The following BICDL1 variants were observed in gnomAD, a reference collection of about 807,000 sequenced individuals.
BICDL1 encodes BICD family-like cargo adapter 1.
In BICDL1, 20 loss-of-function variants were observed where a neutral mutation model predicts 76.8. The observed-to-expected ratio is 0.26, with a 90% CI of 0.18 to 0.38. The LOEUF is 0.38. Ranked by LOEUF, BICDL1 falls within the 10% of genes least tolerant of loss-of-function variation. The probability of loss-of-function intolerance (pLI) is 1.00; values close to 1 mark genes in which losing one functional copy is unlikely to be tolerated. For missense variants in BICDL1, 700 were observed against 798.6 expected (o/e 0.88, Z 1.49); for synonymous variants, 383 against 337.1 (o/e 1.14, Z -1.49).
chr12:120,027,949 C>T (rs1382788437), intron 2 of BICDL1, among the ~76,000 whole-genome samples: 2 of 152,156 alleles, frequency 1.3e-5, no homozygotes, highest in Non-Finnish European at 2.9e-5. Context: ...CAACGTTGAT[C>T]GTTGTGTTCC....
At position 120,071,613 on chromosome 12, in the gene BICDL1, C is replaced by A. The variant is rs780354531; in HGVS notation, c.910-9C>A. 4.4e-6 allele frequency: 7 copies of A among 1,599,040 alleles called. No homozygotes were observed. The highest frequency in any genetic ancestry group is 6.0e-6 in the Non-Finnish European group (7 of 1,172,852). On this transcript the variant is annotated splice_polypyrimidine_tract_variant and intron_variant, in intron 4 of 9. Coordinates refer to ENST00000548673, the MANE Select transcript of BICDL1 (RefSeq NM_001367886.1). The surrounding 1 kb of genome is among the most constrained non-coding windows in gnomAD (Gnocchi z 4.8). ...GGTAAACCTCAACCATTTGCTCTTT[C>A]TTTGAAAGCTGCACCAAAGCCAGCT...
intron 2 of BICDL1, among the ~76,000 whole-genome samples, chr12:120,016,876 A>G (rs1952074354): frequency 6.6e-6 from 1 of 151,854 alleles, no homozygotes; most frequent in African/African-American, 2.4e-5. Flanking sequence ...TCACATGGTA[A>G]TAGATTTATT....
At chr12:120,004,445 C>G (rs1286028479) in intron 2 of BICDL1, among the ~76,000 whole-genome samples, 1 of 152,162 alleles carries the variant, frequency 6.6e-6, no homozygotes, top group African/African-American at 2.4e-5. Flanking sequence ...ACTATAGAAT[C>G]ACTGAGATAG....
chr12:120,025,293 G>A (rs945342759), intron 2 of BICDL1, among the ~76,000 whole-genome samples: 15 of 151,348 alleles, frequency 9.9e-5, no homozygotes, highest in East Asian at 7.8e-4. Flanking sequence ...CTCGTGATCC[G>A]CCCTCCTTGG....
At position 120,002,775 on chromosome 12, in the gene BICDL1, C is replaced by G. The variant is rs1426388024; in HGVS notation, c.645+4039C>G. The stretch of plus-strand genomic sequence containing the variant: ...GAAGATGTATAAATAAATGAACAAT[C>G]CACAAGATACAGATTGCAGTAGGTA... On this transcript the variant is annotated intron_variant, in intron 2 of 9. Transcript: ENST00000548673. Among the ~76,000 whole-genome samples the G allele has an allele frequency of 2.0e-5, 3 of 152,132 alleles. 1 individual carries two copies. Among genetic ancestry groups the G allele is most frequent in the African/African-American group, 7.2e-5 (3 of 41,440 alleles).
chr12:120,018,436 C>G (rs370682824), intron 2 of BICDL1, among the ~76,000 whole-genome samples: 1 of 152,162 alleles, frequency 6.6e-6, no homozygotes, highest in Admixed American at 6.5e-5. Context: ...TCAGGTAAGC[C>G]TTTCTTCCAC....
chr12:120,012,715 TCAAA>T (rs1951978191), intron 2 of BICDL1, among the ~76,000 whole-genome samples: 1 of 152,198 alleles, frequency 6.6e-6, no homozygotes, highest in Non-Finnish European at 1.5e-5. Flanking sequence ...GCTGAATCCC[TCAAA>T]CAGTCCACCA....
intron 2 of BICDL1, among the ~76,000 whole-genome samples, chr12:120,027,490 G>C (rs1952331303): frequency 6.6e-6 from 1 of 152,116 alleles, no homozygotes; most frequent in Non-Finnish European, 1.5e-5. Context: ...CTTTTCTACA[G>C]GTAGGGAAAT....
At chr12:120,003,155 CT>C (rs1295822624) in intron 2 of BICDL1, among the ~76,000 whole-genome samples, 1 of 68,690 alleles carries the variant, frequency 1.5e-5, no homozygotes, top group African/African-American at 5.4e-5. Context: ...AAGACCCCAT[CT>C]TTAAAAAAAA....
intron 2 of BICDL1, among the ~76,000 whole-genome samples, chr12:120,012,531 G>C (rs1266655549): frequency 6.6e-6 from 1 of 152,192 alleles, no homozygotes; most frequent in Admixed American, 6.5e-5. Flanking sequence ...ATGGATACCA[G>C]TTATACCTCC....
chr12:120,027,860 G>C (rs1952340580), intron 2 of BICDL1, among the ~76,000 whole-genome samples: 1 of 152,126 alleles, frequency 6.6e-6, no homozygotes, highest in Non-Finnish European at 1.5e-5. Flanking sequence ...CTAATTAACA[G>C]ATCTGTTTAC....
intron 7 of BICDL1, among the ~76,000 whole-genome samples, chr12:120,076,657 C>T (rs1408500430): frequency 1.3e-5 from 2 of 152,176 alleles, no homozygotes. Context: ...AGGTTGTACT[C>T]ATGTCCCACG....
intron 8 of BICDL1, among the ~76,000 whole-genome samples, chr12:120,085,256 G>A (rs140054034): frequency 0.011 from 1,643 of 152,180 alleles, 22 homozygotes; most frequent in Non-Finnish European, 0.019. Flanking sequence ...GACCAACCTG[G>A]CCAACATGGT....
intron 2 of BICDL1, among the ~76,000 whole-genome samples, chr12:120,024,823 TTTGTTGTTGTTG>T (rs142436978): frequency 1.9e-4 from 28 of 150,720 alleles, no homozygotes; most frequent in African/African-American, 6.1e-4. Context: ...CACCTGGCAT[TTTGTTGTTGTTG>T]TTGTTGTTGT....
chr12:120,091,417 A>C, intron 9 of BICDL1: 1 of 1,008,840 alleles, frequency 9.9e-7, no homozygotes, highest in Admixed American at 5.3e-5. Flanking sequence ...TTTTTGAAAG[A>C]CCCTTTAGCA....
chr12:120,078,216 C>T (rs995601022), intron 7 of BICDL1, among the ~76,000 whole-genome samples: 1 of 152,202 alleles, frequency 6.6e-6, no homozygotes, highest in Non-Finnish European at 1.5e-5. Flanking sequence ...GTCACAGTTA[C>T]CCTGCTCACA....
chr12:119,991,615 C>T (rs966200442), intron 1 of BICDL1, among the ~76,000 whole-genome samples: 4 of 148,644 alleles, frequency 2.7e-5, no homozygotes, highest in Admixed American at 6.7e-5. Context: ...AAAAGCCTTC[C>T]TTTTTTTTTT....
In BICDL1 at chr12:120,093,553, A is replaced by G; in HGVS notation, c.*392A>G. Reference sequence around the variant, plus strand: ...AGCAAATGGGGAACAGAAGGAATGGAGGCCCTTCTCTGCATGCCTCAGGAG... The same window carrying G: ...AGCAAATGGGGAACAGAAGGAATGGGGGCCCTTCTCTGCATGCCTCAGGAG... On this transcript the variant is annotated 3_prime_UTR_variant, in exon 10 of 10. Coordinates refer to ENST00000548673, the MANE Select transcript of BICDL1 (RefSeq NM_001367886.1). The G allele has an allele frequency of 4.5e-6, 1 of 219,824 alleles. No individual in the cohort carries two copies. Among genetic ancestry groups the G allele is most frequent in the Non-Finnish European group, 9.4e-6 (1 of 106,570 alleles). 13.6% of individuals were successfully genotyped at this position (219,824 alleles called of 1,614,324 possible).
rs189665148 is a variant in BICDL1, at chr12:120,028,536, C to T, written c.645+29800C>T. 1.5e-4 allele frequency among the ~76,000 whole-genome samples: 23 copies of T among 152,128 alleles called. No individual in the cohort carries two copies. The East Asian group carries it at 3.9e-3, about 26-fold the overall frequency. ...CTAAAAGTACAAAACATTAGCCGGG[C>T]GTGGTGGCAGGCGCCTGTAATCCTA... On this transcript the variant is annotated intron_variant, in intron 2 of 9. Coordinates refer to ENST00000548673, the MANE Select transcript of BICDL1 (RefSeq NM_001367886.1).
Sources: allele counts gnomAD v4.1 joint callset (sites outside exome capture counted in the v4.1 genomes callset), GRCh38; gene constraint gnomAD v4.1.1; non-coding constraint Gnocchi (gnomAD v3.1); transcripts MANE v1.5; gene names NCBI Gene and HGNC (gene_info 2026-07-23, HGNC 2026-07-21).